The following CREB5 variants were observed in gnomAD, a reference collection of about 807,000 sequenced individuals.
CREB5 encodes the protein cyclic AMP-responsive element-binding protein 5.
In CREB5, 19 loss-of-function variants were observed where a neutral mutation model predicts 57.1. That is an observed-to-expected ratio of 0.33 (90% CI 0.23 to 0.49). CREB5 has a LOEUF of 0.49. Among genes scored for constraint, CREB5 ranks in the 20% least tolerant of loss-of-function variants. CREB5 has a pLI of 0.99. For missense variants in CREB5, 579 were observed against 671.6 expected, an observed-to-expected ratio of 0.86 and a Z score of 1.52; for synonymous variants, 238 against 238.3, an observed-to-expected ratio of 1.00 and a Z score of 0.01.
At chr7:28,512,914 T>C (rs535046378) in intron 4 of CREB5, among the ~76,000 whole-genome samples, 1 of 152,314 alleles carries the variant, frequency 6.6e-6, no homozygotes, top group Non-Finnish European at 1.5e-5. Context: ...TGATTAAAAG[T>C]GAAGTCCATC....
chr7:28,574,076 A>G (rs536078121), intron 5 of CREB5, among the ~76,000 whole-genome samples: 1 of 152,314 alleles, frequency 6.6e-6, no homozygotes, highest in Non-Finnish European at 1.5e-5. Flanking sequence ...ACTAGTGACT[A>G]CTTGTGCTTA....
Position 28,734,261 on chromosome 7 carries a change from C to T in CREB5, c.702+9929C>T, listed in dbSNP as rs550009741. Among the ~76,000 whole-genome samples, 71 of 147,306 alleles carry T rather than the reference C, an allele frequency of 4.8e-4. 1 individual carries two copies. The South Asian group carries it at 8.9e-3, about 19-fold the overall frequency. On this transcript the variant is annotated intron_variant, in intron 7 of 10. Coordinates refer to ENST00000357727, the MANE Select transcript of CREB5 (RefSeq NM_182898.4). ...ACAAAAAAAACAGGTTAATGGATTC[C>T]AGTATAGTTTTGATCCAAACACATA...
At chr7:28,481,504 C>T (rs1337230534) in intron 1 of CREB5, among the ~76,000 whole-genome samples, 5 of 152,224 alleles carry the variant, frequency 3.3e-5, no homozygotes, top group Non-Finnish European at 5.9e-5. Flanking sequence ...TACAGCCCCA[C>T]TCTTGGTCTT....
At chr7:28,764,841 G>A (rs576377927) in intron 7 of CREB5, among the ~76,000 whole-genome samples, 1 of 152,284 alleles carries the variant, frequency 6.6e-6, no homozygotes, top group African/African-American at 2.4e-5. Flanking sequence ...TTATTTCTGA[G>A]AATAATGAGA....
chr7:28,749,112 C>G (rs1482550770), intron 7 of CREB5, among the ~76,000 whole-genome samples: 1 of 152,182 alleles, frequency 6.6e-6, no homozygotes, highest in Non-Finnish European at 1.5e-5. Flanking sequence ...TGCTCCAACC[C>G]CTTATTCTCT....
chr7:28,795,226 C>T (rs80253719), intron 7 of CREB5, among the ~76,000 whole-genome samples: 25,672 of 152,214 alleles, frequency 0.17, 2,340 homozygotes, highest in Admixed American at 0.22. Context: ...GCTATATCTC[C>T]TCTAAGCTGC....
chr7:28,822,977 A>G lies in CREB5; in HGVS notation c.*3698A>G, dbSNP rs1182783654. On this transcript the variant is annotated 3_prime_UTR_variant, in exon 11 of 11. Transcript: ENST00000357727. ...TATAGTAATTAGGGTGACTTAGAGC[A>G]AATACTCTTCAGATCCTATGTAGTC... is the stretch of plus-strand genomic sequence containing the variant. 1 of 152,642 alleles carries G rather than the reference A, an allele frequency of 6.6e-6. No individual in the cohort carries two copies. The highest frequency in any genetic ancestry group is 1.5e-5 in the Non-Finnish European group (1 of 68,040). 9.5% of individuals were successfully genotyped at this position (152,642 alleles called of 1,614,324 possible).
chr7:28,599,523 A>G (rs1796822121), intron 5 of CREB5, among the ~76,000 whole-genome samples: 1 of 152,188 alleles, frequency 6.6e-6, no homozygotes, highest in African/African-American at 2.4e-5. Flanking sequence ...AACACTGTAT[A>G]CAGAAGGTCC....
intron 1 of CREB5, among the ~76,000 whole-genome samples, chr7:28,445,661 C>T (rs1397985859): frequency 4.6e-5 from 7 of 152,046 alleles, no homozygotes; most frequent in African/African-American, 9.7e-5. Context: ...ACGCCATTCT[C>T]CTGCCTCAGC....
chr7:28,479,624 T>C (rs1200772182), intron 1 of CREB5, among the ~76,000 whole-genome samples: 1 of 152,190 alleles, frequency 6.6e-6, no homozygotes, highest in Non-Finnish European at 1.5e-5. Context: ...TTTTACCCTG[T>C]GTTCAACGGA....
At chr7:28,318,111 G>C (rs574814407) in intron 1 of CREB5, among the ~76,000 whole-genome samples, 2 of 152,254 alleles carry the variant, frequency 1.3e-5, no homozygotes, top group Non-Finnish European at 2.9e-5. Context: ...TTTAAAACCT[G>C]CCAGACATTC....
intron 5 of CREB5, 93 bp from the exon 6 acceptor site, chr7:28,718,660 C>T: frequency 1.3e-6 from 2 of 1,534,968 alleles, no homozygotes; most frequent in Non-Finnish European, 1.8e-6. Context: ...ATCTGCTGCA[C>T]ATGTGACATT....
intron 1 of CREB5, among the ~76,000 whole-genome samples, chr7:28,436,348 G>A (rs1398974739): frequency 1.3e-5 from 2 of 152,054 alleles, no homozygotes; most frequent in Non-Finnish European, 2.9e-5. Context: ...CAATCTGTTG[G>A]TTTGTGTTTA....
At chr7:28,670,367 G>GA (rs1163772867) in intron 5 of CREB5, among the ~76,000 whole-genome samples, 1 of 152,194 alleles carries the variant, frequency 6.6e-6, no homozygotes, top group Admixed American at 6.5e-5. Context: ...GCAGGTAACT[G>GA]AAACGGCAGA....
intron 1 of CREB5, among the ~76,000 whole-genome samples, chr7:28,477,770 A>G (rs1283606260): frequency 6.6e-6 from 1 of 152,178 alleles, no homozygotes; most frequent in Non-Finnish European, 1.5e-5. Flanking sequence ...AAGTTGAGAA[A>G]GATATGAAGG....
chr7:28,814,230 G>T (rs892671584), intron 9 of CREB5, among the ~76,000 whole-genome samples: 1 of 152,186 alleles, frequency 6.6e-6, no homozygotes, highest in Non-Finnish European at 1.5e-5. Flanking sequence ...TCTAGTATTT[G>T]TGCATTTCCT....
At chr7:28,306,354 T>C (rs1412014779) in intron 1 of CREB5, among the ~76,000 whole-genome samples, 2 of 152,162 alleles carry the variant, frequency 1.3e-5, no homozygotes, top group African/African-American at 2.4e-5. Flanking sequence ...AACTCTGAAA[T>C]ATCTGACTCT....
intron 5 of CREB5, among the ~76,000 whole-genome samples, chr7:28,680,027 T>C (rs1800510967): frequency 1.3e-5 from 2 of 152,236 alleles, no homozygotes; most frequent in East Asian, 3.9e-4. Context: ...TAGAAAATTA[T>C]CTCCAAACGA....
intron 1 of CREB5, among the ~76,000 whole-genome samples, chr7:28,403,483 T>A (rs1278502808): frequency 1.3e-5 from 2 of 152,232 alleles, no homozygotes; most frequent in African/African-American, 4.8e-5. Flanking sequence ...ATGTTACATA[T>A]ATTAACTCAC....
Sources: allele counts gnomAD v4.1 joint callset (sites outside exome capture counted in the v4.1 genomes callset), GRCh38; gene constraint gnomAD v4.1.1; transcripts MANE v1.5; gene names NCBI Gene and HGNC (gene_info 2026-07-23, HGNC 2026-07-21).